The following SLC39A11 variants were observed in gnomAD, a reference collection of about 807,000 sequenced individuals.
SLC39A11 encodes the protein zinc transporter ZIP11.
A neutral mutation model predicts 36.1 loss-of-function variants in SLC39A11; 33 were observed. The ratio of observed to expected loss-of-function variants is 0.91; its 90% CI spans 0.69 to 1.22. SLC39A11 has a LOEUF of 1.22. Ranked by LOEUF, SLC39A11 falls within the 50% of genes most tolerant of loss-of-function variation. The pLI, the probability that SLC39A11 is intolerant of heterozygous loss-of-function variation, is 0.00. For missense variants in SLC39A11, 432 were observed against 430.3 expected (o/e 1.00, Z -0.03); for synonymous variants, 166 against 170.3 (o/e 0.97, Z 0.20).
intron 6 of SLC39A11, among the ~76,000 whole-genome samples, chr17:72,775,878 G>A (rs1433619629): frequency 2.0e-5 from 3 of 152,262 alleles, no homozygotes; most frequent in East Asian, 3.9e-4. Flanking sequence ...GGCCGGCTTC[G>A]TATCTGCACG....
chr17:73,061,718 G>C (rs1490168977), intron 3 of SLC39A11, among the ~76,000 whole-genome samples: 1 of 152,154 alleles, frequency 6.6e-6, no homozygotes, highest in Non-Finnish European at 1.5e-5. Context: ...TGTGCAGGCT[G>C]GGCAAGTGGC....
intron 5 of SLC39A11, among the ~76,000 whole-genome samples, chr17:72,888,414 C>A (rs1231964971): frequency 2.6e-5 from 4 of 152,296 alleles, no homozygotes; most frequent in African/African-American, 9.6e-5. Flanking sequence ...ATGGCTCTAC[C>A]TGATCCCAAC....
chr17:72,806,378 A>C (rs1391475522), intron 6 of SLC39A11, among the ~76,000 whole-genome samples: 2 of 152,332 alleles, frequency 1.3e-5, no homozygotes, highest in African/African-American at 4.8e-5. Flanking sequence ...GGAAATTAAA[A>C]GCCTTGTTTA....
intron 3 of SLC39A11, among the ~76,000 whole-genome samples, chr17:73,036,458 T>C (rs554109615): frequency 6.6e-6 from 1 of 152,116 alleles, no homozygotes; most frequent in African/African-American, 2.4e-5. Flanking sequence ...TTTTCTTTGC[T>C]TGTTTTGAGA....
intron 7 of SLC39A11, among the ~76,000 whole-genome samples, chr17:72,667,543 C>G (rs1598284651): frequency 6.6e-6 from 1 of 152,172 alleles, no homozygotes; most frequent in African/African-American, 2.4e-5. Flanking sequence ...GGTGCATGGC[C>G]AGGACGCCAG....
At chr17:72,733,132 G>A (rs1300294359) in intron 7 of SLC39A11, among the ~76,000 whole-genome samples, 1 of 152,210 alleles carries the variant, frequency 6.6e-6, no homozygotes, top group Non-Finnish European at 1.5e-5. Flanking sequence ...ATAGGCAAGA[G>A]GTCCAACCCT....
intron 6 of SLC39A11, among the ~76,000 whole-genome samples, chr17:72,802,041 C>G (rs1330323677): frequency 1.3e-5 from 2 of 152,176 alleles, no homozygotes; most frequent in African/African-American, 4.8e-5. Flanking sequence ...GTAAGACATT[C>G]CCTGGCCTAC....
chr17:72,829,594 C>T (rs1362665827), intron 6 of SLC39A11, among the ~76,000 whole-genome samples: 2 of 152,086 alleles, frequency 1.3e-5, no homozygotes, highest in East Asian at 1.9e-4. Context: ...ACAAACATGC[C>T]GAATTAGGGC....
intron 3 of SLC39A11, among the ~76,000 whole-genome samples, chr17:73,043,128 T>G (rs1212665852): frequency 3.3e-5 from 5 of 152,072 alleles, no homozygotes; most frequent in Non-Finnish European, 7.4e-5. Context: ...GTTTCAAAAT[T>G]TAAAAAGCAG....
At chr17:72,657,642 G>A (rs1267870432) in intron 7 of SLC39A11, among the ~76,000 whole-genome samples, 2 of 152,164 alleles carry the variant, frequency 1.3e-5, no homozygotes, top group East Asian at 3.9e-4. Flanking sequence ...CCAGGATATA[G>A]GACTTACTCA....
At chr17:72,882,798 T>TTTTTTTTTTTTCTTTTTC (rs71359746) in intron 5 of SLC39A11, among the ~76,000 whole-genome samples, 39,697 of 124,968 alleles carry the variant, frequency 0.32, 7,329 homozygotes, top group East Asian at 0.69. Context: ...AGAATGCTTC[T>TTTTTTTTTTTTCTTTTTC]TTTTTTTTTT....
At chr17:72,669,389 G>T (rs2070894832) in intron 7 of SLC39A11, among the ~76,000 whole-genome samples, 1 of 152,092 alleles carries the variant, frequency 6.6e-6, no homozygotes, top group Admixed American at 6.6e-5. Flanking sequence ...CCCCTACTTT[G>T]CAATAATGTT....
At chr17:72,829,790 G>T (rs1486210118) in intron 6 of SLC39A11, among the ~76,000 whole-genome samples, 2 of 151,986 alleles carry the variant, frequency 1.3e-5, no homozygotes, top group Non-Finnish European at 2.9e-5. Context: ...GTCCCCTCCT[G>T]TCTGCTCCTG....
chr17:72,762,907 CTTCTT>C (rs1242104578), intron 6 of SLC39A11, among the ~76,000 whole-genome samples: 1 of 152,200 alleles, frequency 6.6e-6, no homozygotes, highest in African/African-American at 2.4e-5. Flanking sequence ...TGCTGTGACT[CTTCTT>C]TTGAGACCCA....
At chr17:72,722,996 G>A (rs2073764114) in intron 7 of SLC39A11, among the ~76,000 whole-genome samples, 1 of 152,176 alleles carries the variant, frequency 6.6e-6, no homozygotes, top group Non-Finnish European at 1.5e-5. Flanking sequence ...GTCTACGATT[G>A]CATCTTTCCT....
intron 3 of SLC39A11, among the ~76,000 whole-genome samples, chr17:73,077,541 T>C (rs138147817): frequency 0.026 from 3,993 of 152,286 alleles, 163 homozygotes; most frequent in African/African-American, 0.088. Context: ...TTGTCCAGAC[T>C]GGTCTCAAAC....
At chr17:72,811,081 A>C (rs138508600) in intron 6 of SLC39A11, among the ~76,000 whole-genome samples, 68 of 150,118 alleles carry the variant, frequency 4.5e-4, no homozygotes, top group Admixed American at 1.2e-3. Flanking sequence ...AAAAAAAAAA[A>C]CATTGTTTAG....
rs183915105 is a variant in SLC39A11 at position 73,033,278 on chromosome 17, T to C, written c.148-1564A>G. Among the ~76,000 whole-genome samples, 174 of 152,238 alleles carry C rather than the reference T, an allele frequency of 1.1e-3. No individual in the cohort carries two copies. The East Asian group carries it at 0.018, about 15-fold the overall frequency. ...TCAGCACTGGTCCATGGCCCGGGGA[T>C]TGGGGACCTCTGCCATAGGCAGTAA... On this transcript the variant is annotated intron_variant, in intron 3 of 9. Coordinates refer to ENST00000255559, the MANE Select transcript of SLC39A11 (RefSeq NM_139177.4).
intron 4 of SLC39A11, among the ~76,000 whole-genome samples, chr17:72,952,824 C>T (rs1475805198): frequency 6.6e-6 from 1 of 152,178 alleles, no homozygotes; most frequent in Non-Finnish European, 1.5e-5. Context: ...CTTTCCACAG[C>T]AGCCCCGACA....
Sources: gnomAD v4.1 joint callset for allele counts (sites outside exome capture counted in the v4.1 genomes callset) on GRCh38, gnomAD v4.1.1 for gene constraint, MANE v1.5 for transcripts, NCBI Gene and HGNC (gene_info 2026-07-23, HGNC 2026-07-21) for gene names.